The following LRP1B variants were observed in gnomAD, a reference collection of about 807,000 sequenced individuals.
The protein encoded by LRP1B is LDL receptor related protein 1B, also known as low-density lipoprotein receptor-related protein 1B.
LRP1B carries 217 observed loss-of-function variants against 556.6 expected under a neutral mutation model. That is an observed-to-expected ratio of 0.39 (90% CI 0.35 to 0.44). The LOEUF is 0.44. LRP1B is among the 20% of genes least tolerant of loss of function. The pLI is 1.00. For missense variants in LRP1B, 5,053 were observed against 5,620.8 expected, an observed-to-expected ratio of 0.90 and a Z score of 3.23; for synonymous variants, 2,047 against 1,865.8, an observed-to-expected ratio of 1.10 and a Z score of -2.50.
At chr2:141,138,322 GAA>G (rs1701540715) in intron 7 of LRP1B, among the ~76,000 whole-genome samples, 1 of 151,962 alleles carries the variant, frequency 6.6e-6, no homozygotes, top group Non-Finnish European at 1.5e-5. Flanking sequence ...ACTTACTGGT[GAA>G]AGACTGAAAG....
At chr2:140,991,939 G>A (rs1227978081) in intron 16 of LRP1B, among the ~76,000 whole-genome samples, 1 of 152,106 alleles carries the variant, frequency 6.6e-6, no homozygotes, top group African/African-American at 2.4e-5. Flanking sequence ...TATTGTATAT[G>A]TGAGTCAACA....
chr2:140,862,242 G>A (rs1405407137), intron 27 of LRP1B, among the ~76,000 whole-genome samples: 1 of 152,088 alleles, frequency 6.6e-6, no homozygotes, highest in South Asian at 2.1e-4. Context: ...ATACTGGCCG[G>A]TGAGCAACTT....
chr2:141,120,285 A>T (rs1224498796), intron 7 of LRP1B, among the ~76,000 whole-genome samples: 1 of 151,946 alleles, frequency 6.6e-6, no homozygotes, highest in African/African-American at 2.4e-5. Context: ...TGTTGTTGAG[A>T]ATTTAATAGA....
At chr2:140,971,372 G>A (rs1696418489) in intron 18 of LRP1B, among the ~76,000 whole-genome samples, 1 of 152,156 alleles carries the variant, frequency 6.6e-6, no homozygotes, top group Non-Finnish European at 1.5e-5. Context: ...GCTTTTGGAG[G>A]AAGCCCTGTT....
At position 141,030,748 on chromosome 2, in the gene LRP1B, C is replaced by T. The variant is rs192335343; in HGVS notation, c.1790-10646G>A. ...AGTTATCTAAATATAGCATACTATA[C>T]TACAGTAGATGCATATTTTGATGAG... is the stretch of plus-strand genomic sequence containing the variant. On this transcript the variant is annotated intron_variant, in intron 11 of 90. Coordinates refer to ENST00000389484, the MANE Select transcript of LRP1B (RefSeq NM_018557.3). Among the ~76,000 whole-genome samples the T allele has an allele frequency of 2.0e-5, 3 of 152,006 alleles. 1 individual carries two copies. The highest frequency in any genetic ancestry group is 6.8e-3 in the Middle Eastern group (2 of 294).
chr2:140,515,044 G>A (rs1294901416), intron 50 of LRP1B, among the ~76,000 whole-genome samples: 1 of 151,802 alleles, frequency 6.6e-6, no homozygotes, highest in African/African-American at 2.4e-5. Context: ...TCTACTCCAG[G>A]TATATTTGTC....
chr2:141,859,954 T>C (rs1056786390), intron 1 of LRP1B, among the ~76,000 whole-genome samples: 1 of 152,196 alleles, frequency 6.6e-6, no homozygotes, highest in African/African-American at 2.4e-5. Context: ...TTAGAATTTA[T>C]ATCCAAATGG....
At chr2:141,726,504 A>G (rs1693042887) in intron 2 of LRP1B, among the ~76,000 whole-genome samples, 1 of 152,052 alleles carries the variant, frequency 6.6e-6, no homozygotes, top group African/African-American at 2.4e-5. Flanking sequence ...TCTTGAAGTT[A>G]TAGTGAATTG....
At chr2:140,274,694 A>G in intron 84 of LRP1B, 96 bp from the exon 85 acceptor site, 1 of 941,938 alleles carries the variant, frequency 1.1e-6, no homozygotes, top group Non-Finnish European at 1.6e-6. Flanking sequence ...TTACTTAAAA[A>G]TAATAGGTAG....
At chr2:140,748,566 A>G (rs1378984654) in intron 35 of LRP1B, among the ~76,000 whole-genome samples, 32 of 106,622 alleles carry the variant, frequency 3.0e-4, no homozygotes, top group Admixed American at 1.3e-3. Context: ...CTATGTTGTT[A>G]AACATAGTTA....
At chr2:141,151,891 G>A (rs1249447) in intron 7 of LRP1B, among the ~76,000 whole-genome samples, 62,807 of 151,848 alleles carry the variant, frequency 0.41, 13,716 homozygotes, top group East Asian at 0.71. Context: ...TTGGCTGTTT[G>A]TGGAAGTTTA....
chr2:140,972,086 C>T (rs1172429024), intron 18 of LRP1B, among the ~76,000 whole-genome samples: 2 of 152,152 alleles, frequency 1.3e-5, no homozygotes, highest in Non-Finnish European at 2.9e-5. Flanking sequence ...AGGCTTTAAC[C>T]TCCCACTTTT....
chr2:141,473,524 T>A (rs1682560058), intron 3 of LRP1B, among the ~76,000 whole-genome samples: 1 of 152,130 alleles, frequency 6.6e-6, no homozygotes, highest in Non-Finnish European at 1.5e-5. Context: ...CTTAAACTAA[T>A]CTCTTTGAGT....
intron 1 of LRP1B, among the ~76,000 whole-genome samples, chr2:141,981,769 T>A (rs1574557569): frequency 1.3e-5 from 2 of 152,222 alleles, no homozygotes; most frequent in East Asian, 3.9e-4. Flanking sequence ...AGTGTGGCCA[T>A]GTGAGTAGTC....
chr2:142,006,133 A>C (rs1702792855), intron 1 of LRP1B, among the ~76,000 whole-genome samples: 1 of 152,296 alleles, frequency 6.6e-6, no homozygotes, highest in Middle Eastern at 3.4e-3. Flanking sequence ...ATGAATGAGA[A>C]CATGATTTCT....
chr2:140,686,787 T>C (rs764163348), intron 41 of LRP1B, among the ~76,000 whole-genome samples: 4 of 151,926 alleles, frequency 2.6e-5, no homozygotes, highest in Admixed American at 2.6e-4. Context: ...GGAAAATATG[T>C]CCATCGATAG....
intron 3 of LRP1B, among the ~76,000 whole-genome samples, chr2:141,467,845 G>GGGGGGGGGC (rs1553518608): frequency 7.9e-6 from 1 of 127,364 alleles, no homozygotes; most frequent in African/African-American, 2.8e-5. Flanking sequence ...GGACCGGGGG[G>GGGGGGGGGC]GGGGGAATTC....
chr2:141,760,354 TTA>T (rs922647560), intron 2 of LRP1B, among the ~76,000 whole-genome samples: 4 of 152,336 alleles, frequency 2.6e-5, no homozygotes, highest in South Asian at 4.1e-4. Flanking sequence ...AGGATTCATC[TTA>T]TGTTTGTGTG....
chr2:140,776,502 T>C (rs1689503540), intron 32 of LRP1B, among the ~76,000 whole-genome samples: 1 of 148,720 alleles, frequency 6.7e-6, no homozygotes, highest in South Asian at 2.2e-4. Context: ...TATTCTTATA[T>C]TTTACATAAC....
Sources: allele counts gnomAD v4.1 joint callset (sites outside exome capture counted in the v4.1 genomes callset), GRCh38; gene constraint gnomAD v4.1.1; transcripts MANE v1.5; gene names NCBI Gene and HGNC (gene_info 2026-07-23, HGNC 2026-07-21).